LRMDA: variants seen among roughly 807,000 people sequenced by gnomAD.
The protein encoded by LRMDA is leucine rich melanocyte differentiation associated.
Under a neutral mutation model 29.8 loss-of-function variants are expected in LRMDA, and 18 were observed. The observed-to-expected ratio is 0.60, with a 90% CI of 0.42 to 0.90. LRMDA has a LOEUF of 0.90. LRMDA is among the 40% of genes least tolerant of loss of function. The probability of loss-of-function intolerance (pLI) is 0.00; values close to 1 mark genes in which losing one functional copy is unlikely to be tolerated. For missense variants in LRMDA, 273 were observed against 273.9 expected (o/e 1.00, Z 0.02); for synonymous variants, 125 against 109.4 (o/e 1.14, Z -0.89).
chr10:76,151,288 C>T (rs1258197260), intron 5 of LRMDA, among the ~76,000 whole-genome samples: 1 of 152,192 alleles, frequency 6.6e-6, no homozygotes, highest in African/African-American at 2.4e-5. Context: ...GCTTATTAAA[C>T]AGTTATGCGG....
At chr10:75,986,707 T>G (rs1847267727) in intron 2 of LRMDA, among the ~76,000 whole-genome samples, 2 of 152,364 alleles carry the variant, frequency 1.3e-5, no homozygotes, top group Non-Finnish European at 2.9e-5. Context: ...GTAAGGGACC[T>G]ATTGAGTGTT....
intron 2 of LRMDA, among the ~76,000 whole-genome samples, chr10:75,753,799 G>C (rs1842994374): frequency 6.6e-6 from 1 of 152,170 alleles, no homozygotes; most frequent in African/African-American, 2.4e-5. Flanking sequence ...AAGAATGGAA[G>C]TGGGGTAAGG....
intron 6 of LRMDA, among the ~76,000 whole-genome samples, chr10:76,495,394 A>G (rs576518160): frequency 2.0e-5 from 3 of 151,926 alleles, no homozygotes; most frequent in East Asian, 1.9e-4. Context: ...CACCAATACT[A>G]TACTATCTTG....
intron 2 of LRMDA, among the ~76,000 whole-genome samples, chr10:75,637,788 C>T (rs1841405911): frequency 6.6e-6 from 1 of 152,144 alleles, no homozygotes; most frequent in African/African-American, 2.4e-5. Flanking sequence ...AGGCAGCTGC[C>T]CAGAGTGGAA....
chr10:75,574,708 G>GATAA, intron 2 of LRMDA, among the ~76,000 whole-genome samples: 1 of 152,142 alleles, frequency 6.6e-6, no homozygotes, highest in East Asian at 1.9e-4. Context: ...ATCCACCGTG[G>GATAA]GGCTTCAGTT....
chr10:75,813,657 A>G (rs568809424), intron 2 of LRMDA, among the ~76,000 whole-genome samples: 1 of 152,232 alleles, frequency 6.6e-6, no homozygotes, highest in South Asian at 2.1e-4. Context: ...GCCAGAAAAT[A>G]TACAATATAT....
intron 2 of LRMDA, among the ~76,000 whole-genome samples, chr10:75,632,196 AG>A (rs1325953253): frequency 6.6e-6 from 1 of 152,140 alleles, no homozygotes; most frequent in Non-Finnish European, 1.5e-5. Flanking sequence ...ATAGAGTCAG[AG>A]GGATATCAGC....
intron 5 of LRMDA, among the ~76,000 whole-genome samples, chr10:76,220,889 C>T (rs983706100): frequency 3.2e-4 from 49 of 151,828 alleles, no homozygotes; most frequent in African/African-American, 1.0e-3. Flanking sequence ...ACTGGCAAAC[C>T]GAATCCAGCA....
chr10:75,834,107 C>A (rs1411690427), intron 2 of LRMDA, among the ~76,000 whole-genome samples: 1 of 152,168 alleles, frequency 6.6e-6, no homozygotes, highest in African/African-American at 2.4e-5. Context: ...TACTTTACAG[C>A]CTTCTTTCAT....
intron 5 of LRMDA, among the ~76,000 whole-genome samples, chr10:76,208,709 A>G (rs1465822832): frequency 1.3e-5 from 2 of 152,144 alleles, no homozygotes; most frequent in Non-Finnish European, 2.9e-5. Context: ...TAGAGCAGCC[A>G]TGGAAAACCA....
chr10:76,188,710 G>A (rs1214733360), intron 5 of LRMDA, among the ~76,000 whole-genome samples: 11 of 152,256 alleles, frequency 7.2e-5, no homozygotes. Context: ...GCTCCTCTAG[G>A]GAGGATGAGT....
At chr10:76,552,136 T>C (rs1213678303) in intron 6 of LRMDA, among the ~76,000 whole-genome samples, 1 of 152,252 alleles carries the variant, frequency 6.6e-6, no homozygotes, top group Non-Finnish European at 1.5e-5. Flanking sequence ...CAAATATAAA[T>C]GTGTTGGTCC....
At chr10:75,845,614 G>A (rs976327253) in intron 2 of LRMDA, among the ~76,000 whole-genome samples, 5 of 152,180 alleles carry the variant, frequency 3.3e-5, no homozygotes, top group African/African-American at 1.2e-4. Context: ...GCTGCAGAGG[G>A]AAGGAGCTCT....
intron 5 of LRMDA, among the ~76,000 whole-genome samples, chr10:76,092,835 G>A (rs934157789): frequency 2.0e-5 from 3 of 152,144 alleles, no homozygotes; most frequent in African/African-American, 4.8e-5. Flanking sequence ...TAGTAAACAA[G>A]TGTGAATCTT....
chr10:76,210,000 G>A (rs78938748), intron 5 of LRMDA, among the ~76,000 whole-genome samples: 6,942 of 152,196 alleles, frequency 0.046, 506 homozygotes, highest in African/African-American at 0.15. Context: ...GTGTAAAAGC[G>A]CATAGCTACA....
chr10:75,992,522 A>G (rs1847388791), intron 2 of LRMDA, among the ~76,000 whole-genome samples: 1 of 152,184 alleles, frequency 6.6e-6, no homozygotes, highest in Non-Finnish European at 1.5e-5. Context: ...TAATTGCATA[A>G]TGACTCATAA....
At chr10:75,782,382 TTTTTTGC>T (rs1459788802) in intron 2 of LRMDA, among the ~76,000 whole-genome samples, 2 of 152,212 alleles carry the variant, frequency 1.3e-5, no homozygotes, top group African/African-American at 2.4e-5. Flanking sequence ...TCAGTTTGTC[TTTTTTGC>T]TAACTCTATT....
At chr10:75,821,991 C>T (rs1316941109) in intron 2 of LRMDA, among the ~76,000 whole-genome samples, 4 of 152,098 alleles carry the variant, frequency 2.6e-5, no homozygotes, top group Non-Finnish European at 5.9e-5. Flanking sequence ...AGCACTCAGT[C>T]AAGAGAAAGA....
chr10:76,491,983 A>G (rs1022182252), intron 6 of LRMDA, among the ~76,000 whole-genome samples: 1 of 152,014 alleles, frequency 6.6e-6, no homozygotes, highest in Non-Finnish European at 1.5e-5. Context: ...GGAGACTCTG[A>G]TGCATTCTTC....
Sources: allele counts gnomAD v4.1 joint callset (sites outside exome capture counted in the v4.1 genomes callset), GRCh38; gene constraint gnomAD v4.1.1; transcripts MANE v1.5; gene names NCBI Gene and HGNC (gene_info 2026-07-23, HGNC 2026-07-21).